FBXW7: variants seen among roughly 807,000 people sequenced by gnomAD.
FBXW7 encodes the protein F-box/WD repeat-containing protein 7.
A neutral mutation model predicts 86.3 loss-of-function variants in FBXW7; 11 were observed. That is an observed-to-expected ratio of 0.13 (90% CI 0.08 to 0.21). FBXW7 has a LOEUF of 0.21. FBXW7 is among the 10% of genes least tolerant of loss of function. FBXW7 has a pLI of 1.00. For missense variants in FBXW7, 488 were observed against 847.4 expected (o/e 0.58, Z 5.27); for synonymous variants, 313 against 297.9 (o/e 1.05, Z -0.52).
intron 4 of FBXW7, among the ~76,000 whole-genome samples, chr4:152,407,863 C>CT (rs1043774671): frequency 2.6e-5 from 4 of 152,154 alleles, no homozygotes; most frequent in Non-Finnish European, 5.9e-5. Context: ...TGCCATCACA[C>CT]TCAGCTAATT....
At chr4:152,327,316 G>T (rs918233974) in intron 11 of FBXW7, among the ~76,000 whole-genome samples, 3 of 151,990 alleles carry the variant, frequency 2.0e-5, no homozygotes, top group African/African-American at 7.2e-5. Context: ...TACAAATCTG[G>T]TGTGAAATCT....
chr4:152,392,190 G>A (rs938010796), intron 4 of FBXW7, among the ~76,000 whole-genome samples: 6 of 152,148 alleles, frequency 3.9e-5, no homozygotes, highest in African/African-American at 1.4e-4. Context: ...AGGTGACTCT[G>A]AGACTCCTTT....
At chr4:152,343,674 T>A (rs772396876) in intron 6 of FBXW7, among the ~76,000 whole-genome samples, 16 of 152,144 alleles carry the variant, frequency 1.1e-4, no homozygotes, top group South Asian at 2.1e-4. Flanking sequence ...CTGAAAAGTT[T>A]AAGTGAAAAA....
intron 2 of FBXW7, among the ~76,000 whole-genome samples, chr4:152,517,043 G>A (rs1040899152): frequency 3.9e-5 from 6 of 152,096 alleles, no homozygotes; most frequent in South Asian, 2.1e-4. Flanking sequence ...AGCTGGTCTC[G>A]AACTCCTGAG....
chr4:152,337,393 T>C lies in FBXW7; in HGVS notation c.861+409A>G, dbSNP rs1333170981. Among the ~76,000 whole-genome samples the C allele has an allele frequency of 2.0e-5, 3 of 151,670 alleles. No individual in the cohort carries two copies. In the East Asian group the frequency reaches 5.8e-4, roughly 29 times the overall value. On this transcript the variant is annotated intron_variant, in intron 7 of 13. Transcript: ENST00000281708. ...CTATTGGTCTTGAAGGGACTTAAGATATATAATAAAATAAGAGAAAAAATA... is the reference window on the plus strand; with the variant it reads ...CTATTGGTCTTGAAGGGACTTAAGACATATAATAAAATAAGAGAAAAAATA...
intron 2 of FBXW7, among the ~76,000 whole-genome samples, chr4:152,447,616 T>C (rs1276376983): frequency 6.6e-6 from 1 of 152,228 alleles, no homozygotes; most frequent in African/African-American, 2.4e-5. Flanking sequence ...TGATATTAGA[T>C]TTTTAATTTG....
rs140135108 is a variant in FBXW7 at position 152,415,930 on chromosome 4, C to G, written c.-119-3401G>C. Among the ~76,000 whole-genome samples the G allele has an allele frequency of 5.4e-3, 815 of 152,192 alleles. 2 individuals are homozygous for G. The highest frequency in any genetic ancestry group is 0.024 in the Middle Eastern group (7 of 294). ...AACCATCCAACTTAAAATAATACCC[C>G]CCAGCATCACCTTCTCTTTTCCTTT... is the stretch of plus-strand genomic sequence containing the variant. On this transcript the variant is annotated intron_variant, in intron 2 of 13. Coordinates refer to ENST00000281708, the MANE Select transcript of FBXW7 (RefSeq NM_001349798.2).
intron 2 of FBXW7, among the ~76,000 whole-genome samples, chr4:152,471,550 G>T (rs1350300517): frequency 6.7e-6 from 1 of 150,228 alleles, no homozygotes; most frequent in Admixed American, 6.7e-5. Context: ...AAGGAAGGAA[G>T]GAGAGAGAAA....
At chr4:152,365,099 T>G (rs1202900396) in intron 4 of FBXW7, among the ~76,000 whole-genome samples, 1 of 152,112 alleles carries the variant, frequency 6.6e-6, no homozygotes, top group Non-Finnish European at 1.5e-5. Flanking sequence ...GGTTTCCACC[T>G]AGTCTGTGGG....
chr4:152,382,371 A>G (rs373727901), intron 4 of FBXW7: 12 of 1,471,250 alleles, frequency 8.2e-6, no homozygotes, highest in Non-Finnish European at 1.1e-5. Context: ...TACTCTCTAC[A>G]TGTAATACAG....
chr4:152,516,167 A>G (rs137930483), intron 2 of FBXW7, among the ~76,000 whole-genome samples: 7 of 152,342 alleles, frequency 4.6e-5, no homozygotes, highest in African/African-American at 1.7e-4. Flanking sequence ...TGACCAATAG[A>G]AACTGTAAGA....
At chr4:152,508,594 T>C (rs955268811) in intron 2 of FBXW7, among the ~76,000 whole-genome samples, 1 of 143,740 alleles carries the variant, frequency 7.0e-6, no homozygotes, top group Non-Finnish European at 1.5e-5. Flanking sequence ...CAGGCTGAGG[T>C]AGGAGGATCA....
At chr4:152,526,290 C>T (rs1246790408) in intron 2 of FBXW7, among the ~76,000 whole-genome samples, 1 of 151,946 alleles carries the variant, frequency 6.6e-6, no homozygotes, top group East Asian at 1.9e-4. Context: ...ATATACAGTT[C>T]TATTCAATAA....
chr4:152,345,737 A>T (rs2126628842), intron 6 of FBXW7, among the ~76,000 whole-genome samples: 1 of 152,330 alleles, frequency 6.6e-6, no homozygotes, highest in East Asian at 1.9e-4. Context: ...TTTAAAAGCA[A>T]TACTGCTCCA....
intron 4 of FBXW7, among the ~76,000 whole-genome samples, chr4:152,386,754 A>G (rs759254816): frequency 6.6e-6 from 1 of 152,090 alleles, no homozygotes; most frequent in Non-Finnish European, 1.5e-5. Context: ...AGTAAAGAAA[A>G]GGTCTTTATA....
chr4:152,390,670 GT>G (rs1378481841), intron 4 of FBXW7, among the ~76,000 whole-genome samples: 2 of 151,992 alleles, frequency 1.3e-5, no homozygotes, highest in East Asian at 3.9e-4. Flanking sequence ...TCCATAAACA[GT>G]TTAAACATAA....
intron 2 of FBXW7, among the ~76,000 whole-genome samples, chr4:152,508,406 T>G (rs1308085223): frequency 6.6e-6 from 1 of 152,050 alleles, no homozygotes; most frequent in Admixed American, 6.5e-5. Context: ...AAAGTTAAAG[T>G]CTGGGGCCAG....
At position 152,531,229 on chromosome 4, in the gene FBXW7, A is replaced by G. The variant is rs1749998754; in HGVS notation, c.-120+3712T>C. Among the ~76,000 whole-genome samples the G allele has an allele frequency of 2.0e-5, 3 of 152,230 alleles. No individual in the cohort carries two copies. In the South Asian group the frequency reaches 6.2e-4, roughly 31 times the overall value. On this transcript the variant is annotated intron_variant, in intron 2 of 13. Coordinates refer to ENST00000281708, the MANE Select transcript of FBXW7 (RefSeq NM_001349798.2). ...TAAAATTCATCTGAACATGGCTTCG[A>G]CTGCACAAAAAATGTTGTGGAAAGT...
At chr4:152,492,151 A>AT (rs1745919421) in intron 2 of FBXW7, among the ~76,000 whole-genome samples, 1 of 152,194 alleles carries the variant, frequency 6.6e-6, no homozygotes. Context: ...ATAATACAGT[A>AT]TCATGTCCAG....
Sources: gnomAD v4.1 joint callset for allele counts (sites outside exome capture counted in the v4.1 genomes callset) on GRCh38, gnomAD v4.1.1 for gene constraint, MANE v1.5 for transcripts, NCBI Gene and HGNC (gene_info 2026-07-23, HGNC 2026-07-21) for gene names.